The following ACACA variants were observed in gnomAD, a reference collection of about 807,000 sequenced individuals.
ACACA encodes acetyl-CoA carboxylase alpha.
A neutral mutation model predicts 296.1 loss-of-function variants in ACACA; 103 were observed. The ratio of observed to expected loss-of-function variants is 0.35; its 90% CI spans 0.30 to 0.41. The LOEUF (loss-of-function observed/expected upper bound fraction) is 0.41, where lower values mean the gene tolerates loss of function less well. Ranked by LOEUF, ACACA falls within the 10% of genes least tolerant of loss-of-function variation. ACACA has a pLI of 1.00. For missense variants in ACACA, 1,554 were observed against 2,989.7 expected, an observed-to-expected ratio of 0.52 and a Z score of 11.20; for synonymous variants, 953 against 1,038.6, an observed-to-expected ratio of 0.92 and a Z score of 1.58.
intron 11 of ACACA, 89 bp from the exon 12 acceptor site, chr17:37,259,619 G>T: frequency 7.1e-7 from 1 of 1,414,266 alleles, no homozygotes; most frequent in Non-Finnish European, 1.0e-6. Flanking sequence ...ACTGTTCAGT[G>T]TGTATAAGAG....
In ACACA at chr17:37,283,395, G is replaced by C; in HGVS notation, c.482C>G (p.Ala161Gly). The C allele has an allele frequency of 6.2e-7, 1 of 1,614,088 alleles. No homozygotes were observed. The highest frequency in any genetic ancestry group is 8.5e-7 in the Non-Finnish European group (1 of 1,179,996). Reference sequence around the variant, plus strand: ...TTTCACTGCTGCAATGCCATTGTTAGCAATAAGAACCTGGGAGGGGGAAGG... The same window carrying C: ...TTTCACTGCTGCAATGCCATTGTTACCAATAAGAACCTGGGAGGGGGAAGG... ...GNKVIEKVLI[A>G]NNGIAAVKCM... is the part of the protein sequence containing the mutation. The change falls in exon 5 of 56, where the codon GCT becomes GGT. Residue 161 changes from alanine to glycine, a missense_variant. By Grantham distance (60) the Ala-to-Gly change is moderately conservative. Coordinates refer to ENST00000616317, the MANE Select transcript of ACACA (RefSeq NM_198834.3).
intron 39 of ACACA, among the ~76,000 whole-genome samples, chr17:37,186,268 T>C (rs1195362879): frequency 6.6e-6 from 1 of 152,214 alleles, no homozygotes; most frequent in South Asian, 2.1e-4. Flanking sequence ...AAATAATTTC[T>C]GACCCATAGT....
At chr17:37,371,162 C>T (rs887132454) in intron 1 of ACACA, among the ~76,000 whole-genome samples, 1 of 152,062 alleles carries the variant, frequency 6.6e-6, no homozygotes, top group Admixed American at 6.6e-5. Context: ...TCACTGCAAC[C>T]TCCACCTCCC....
chr17:37,131,106 C>A (rs1020852136), intron 45 of ACACA, among the ~76,000 whole-genome samples: 1 of 151,976 alleles, frequency 6.6e-6, no homozygotes, highest in African/African-American at 2.4e-5. Flanking sequence ...GATTTATACC[C>A]AAGCATGCTT....
rs1436916600 is a variant in ACACA, at chr17:37,330,153, A to G, written c.338+20T>C. 6.2e-7 allele frequency: 1 copy of G among 1,613,656 alleles called. No homozygotes were observed. Among genetic ancestry groups the G allele is most frequent in the African/African-American group, 1.3e-5 (1 of 74,888 alleles). On this transcript the variant is annotated intron_variant, in intron 3 of 55. Transcript: ENST00000616317. ...CTAACAAGACAGATTAAATAAGTAGACCATTGAACTCTCTCTTACCTTATG... is the reference window on the plus strand; with the variant it reads ...CTAACAAGACAGATTAAATAAGTAGGCCATTGAACTCTCTCTTACCTTATG...
Position 37,193,362 on chromosome 17 carries a change from A to G in ACACA, c.4200+12T>C. The G allele has an allele frequency of 6.3e-7, 1 of 1,584,374 alleles. No homozygotes were observed. Among genetic ancestry groups the G allele is most frequent in the Non-Finnish European group, 8.7e-7 (1 of 1,154,080 alleles). ...ATTTTTTTTTTTAAATAGGAAAGAA[A>G]TCAATCCTTACCTTATCCCTTGCTC... On this transcript the variant is annotated intron_variant, in intron 36 of 55. Coordinates refer to ENST00000616317, the MANE Select transcript of ACACA (RefSeq NM_198834.3).
intron 1 of ACACA, among the ~76,000 whole-genome samples, chr17:37,390,218 T>TATA: frequency 1.6e-5 from 1 of 62,548 alleles, no homozygotes; most frequent in African/African-American, 9.4e-5. Context: ...TATATATTTA[T>TATA]TATATATAAT....
intron 39 of ACACA, among the ~76,000 whole-genome samples, chr17:37,183,676 A>G (rs2077410181): frequency 6.6e-6 from 1 of 151,916 alleles, no homozygotes; most frequent in African/African-American, 2.4e-5. Flanking sequence ...AAAATACAAA[A>G]AAAAGGCTGA....
chr17:37,343,323 G>A (rs2147365785), intron 1 of ACACA, among the ~76,000 whole-genome samples: 1 of 152,254 alleles, frequency 6.6e-6, no homozygotes, highest in Non-Finnish European at 1.5e-5. Flanking sequence ...ACCAAATTTA[G>A]TTAGCATATT....
intron 47 of ACACA, among the ~76,000 whole-genome samples, chr17:37,127,547 C>T (rs780583607): frequency 6.6e-6 from 1 of 152,118 alleles, no homozygotes; most frequent in South Asian, 2.1e-4. Context: ...CACTTCATTC[C>T]CAGAAAAGTC....
chr17:37,305,913 T>G lies in ACACA; in HGVS notation c.339-20943A>C, dbSNP rs889157649. ...AGCAGTTTTTTTTTTTGTTTTTTTT[T>G]TTTTTTTTTTTTTGAGACGGAGTCT... On this transcript the variant is annotated intron_variant, in intron 3 of 55. Transcript: ENST00000616317. Among the ~76,000 whole-genome samples, 634 of 78,778 alleles carry G rather than the reference T, an allele frequency of 8.0e-3. 3 individuals are homozygous for G. The highest frequency in any genetic ancestry group is 0.034 in the African/African-American group (359 of 10,606). The allele number at this position is 78,778 out of a possible 152,430, so 51.7% of individuals were successfully genotyped here. A position where few individuals can be genotyped will look rare whatever the true frequency, so the allele number is the denominator to read the frequency against.
At position 37,249,244 on chromosome 17, in the gene ACACA, T is replaced by A. The variant is rs754160484; in HGVS notation, c.2082-570A>T. Among the ~76,000 whole-genome samples the A allele has an allele frequency of 4.6e-4, 70 of 152,198 alleles. 2 individuals carry two copies. Among genetic ancestry groups the A allele is most frequent in the Non-Finnish European group, 1.0e-4 (7 of 68,034 alleles). ...TATTGTATGTATATGCCACATTTTG[T>A]TTATCCAGTCATCCATCAACCAACA... is the stretch of plus-strand genomic sequence containing the variant. On this transcript the variant is annotated intron_variant, in intron 16 of 55. Coordinates refer to ENST00000616317, the MANE Select transcript of ACACA (RefSeq NM_198834.3).
At chr17:37,291,546 C>T (rs776389200) in intron 3 of ACACA, among the ~76,000 whole-genome samples, 1 of 152,142 alleles carries the variant, frequency 6.6e-6, no homozygotes, top group Non-Finnish European at 1.5e-5. Flanking sequence ...TGTTGGGCCT[C>T]ATCCAAAGCT....
At chr17:37,322,871 C>T (rs2047421308) in intron 3 of ACACA, among the ~76,000 whole-genome samples, 1 of 152,190 alleles carries the variant, frequency 6.6e-6, no homozygotes, top group Admixed American at 6.5e-5. Context: ...TCCAGCTCCC[C>T]ATCCATGTCG....
intron 10 of ACACA, among the ~76,000 whole-genome samples, chr17:37,269,643 T>C (rs2081977634): frequency 6.6e-6 from 1 of 152,004 alleles, no homozygotes; most frequent in South Asian, 2.1e-4. Flanking sequence ...TTGTTGATTG[T>C]AAGTTGAAAT....
chr17:37,172,896 G>T (rs1211525396), intron 41 of ACACA, among the ~76,000 whole-genome samples: 4 of 152,084 alleles, frequency 2.6e-5, no homozygotes, highest in African/African-American at 9.7e-5. Flanking sequence ...TTACAGACCC[G>T]CTTCGCTTAG....
At chr17:37,219,427 A>C (rs894802632) in intron 29 of ACACA, among the ~76,000 whole-genome samples, 36 of 152,168 alleles carry the variant, frequency 2.4e-4, no homozygotes, top group African/African-American at 8.2e-4. Flanking sequence ...GAGAAAATTG[A>C]GGGGACCCTC....
intron 1 of ACACA, among the ~76,000 whole-genome samples, chr17:37,389,606 G>A (rs2050702438): frequency 6.6e-6 from 1 of 151,972 alleles, no homozygotes; most frequent in Admixed American, 6.6e-5. Context: ...AGAATCGCTT[G>A]AACCTGGGAG....
At chr17:37,260,249 C>CATATGT (rs2081388946) in intron 11 of ACACA, among the ~76,000 whole-genome samples, 1 of 30,500 alleles carries the variant, frequency 3.3e-5, no homozygotes. Flanking sequence ...ACTCCCAAGT[C>CATATGT]ATATATATAT....
Sources: gnomAD v4.1 joint callset for allele counts (sites outside exome capture counted in the v4.1 genomes callset) on GRCh38, gnomAD v4.1.1 for gene constraint, MANE v1.5 for transcripts, NCBI Gene and HGNC (gene_info 2026-07-23, HGNC 2026-07-21) for gene names.